The following KCNMB2 variants were observed in gnomAD, a reference collection of about 807,000 sequenced individuals.
The protein encoded by KCNMB2 is potassium calcium-activated channel subfamily M regulatory beta subunit 2, also known as calcium-activated potassium channel subunit beta-2.
A neutral mutation model predicts 24.5 loss-of-function variants in KCNMB2; 9 were observed. The ratio of observed to expected loss-of-function variants is 0.37; its 90% confidence interval spans 0.22 to 0.64. The LOEUF (loss-of-function observed/expected upper bound fraction) is 0.64. Ranked by LOEUF, KCNMB2 falls within the 30% of genes least tolerant of loss-of-function variation. The pLI is 0.63. For missense variants in KCNMB2, 226 were observed against 284.3 expected (o/e 0.79, Z 1.47); for synonymous variants, 109 against 104.4 (o/e 1.04, Z -0.27).
chr3:178,571,168 G>A (rs922716430), intron 1 of KCNMB2, among the ~76,000 whole-genome samples: 1 of 150,902 alleles, frequency 6.6e-6, no homozygotes, highest in Non-Finnish European at 1.5e-5. Context: ...CTACTTTTTA[G>A]TTGCTCTATA....
chr3:178,785,019 A>G (rs2108435453), intron 1 of KCNMB2, among the ~76,000 whole-genome samples: 1 of 152,136 alleles, frequency 6.6e-6, no homozygotes, highest in Non-Finnish European at 1.5e-5. Context: ...AGTCAGGCTA[A>G]TGCTCTTAAT....
intron 1 of KCNMB2, among the ~76,000 whole-genome samples, chr3:178,545,240 T>C (rs1040641402): frequency 3.3e-5 from 5 of 152,222 alleles, no homozygotes; most frequent in Admixed American, 3.3e-4. Flanking sequence ...ATAGGATTCT[T>C]ACTAAAGAGG....
At chr3:178,713,151 G>C (rs1180210477) in intron 1 of KCNMB2, among the ~76,000 whole-genome samples, 1 of 152,178 alleles carries the variant, frequency 6.6e-6, no homozygotes, top group African/African-American at 2.4e-5. Context: ...GCTTTGGATT[G>C]GTTACTGTAA....
At chr3:178,629,360 A>G (rs1231161327) in intron 1 of KCNMB2, among the ~76,000 whole-genome samples, 1 of 152,196 alleles carries the variant, frequency 6.6e-6, no homozygotes, top group Non-Finnish European at 1.5e-5. Flanking sequence ...TAACAGGGAA[A>G]AAGGAGGTGA....
intron 1 of KCNMB2, among the ~76,000 whole-genome samples, chr3:178,758,345 G>GATATATAT (rs1214797017): frequency 1.2e-4 from 1 of 8,678 alleles, no homozygotes; most frequent in Admixed American, 1.4e-3. Flanking sequence ...TCCAAGAGGG[G>GATATATAT]ATATATATAT....
chr3:178,697,085 T>C (rs894197240), intron 1 of KCNMB2, among the ~76,000 whole-genome samples: 7 of 152,196 alleles, frequency 4.6e-5, no homozygotes, highest in African/African-American at 1.7e-4. Flanking sequence ...TTCTGTTGTT[T>C]TGGGGTGAAG....
At chr3:178,734,296 T>C (rs756156291) in intron 1 of KCNMB2, among the ~76,000 whole-genome samples, 13 of 152,246 alleles carry the variant, frequency 8.5e-5, no homozygotes, top group Admixed American at 1.3e-4. Flanking sequence ...TGTGGCATCA[T>C]GCCTTCACTC....
At chr3:178,692,584 T>A (rs1335787684) in intron 1 of KCNMB2, among the ~76,000 whole-genome samples, 1 of 152,236 alleles carries the variant, frequency 6.6e-6, no homozygotes, top group Non-Finnish European at 1.5e-5. Flanking sequence ...GGGCTCCCTA[T>A]TCTGCTCCAT....
At chr3:178,607,382 T>C (rs573138235) in intron 1 of KCNMB2, among the ~76,000 whole-genome samples, 2 of 152,304 alleles carry the variant, frequency 1.3e-5, no homozygotes, top group African/African-American at 4.8e-5. Context: ...CAGTGGTCAT[T>C]TAAAATCCAT....
At chr3:178,571,924 G>C (rs1201122213) in intron 1 of KCNMB2, among the ~76,000 whole-genome samples, 1 of 152,080 alleles carries the variant, frequency 6.6e-6, no homozygotes, top group Non-Finnish European at 1.5e-5. Context: ...TCTTTATCCA[G>C]CTTATCACTG....
chr3:178,638,579 T>G (rs1227265195), intron 1 of KCNMB2, among the ~76,000 whole-genome samples: 1 of 152,200 alleles, frequency 6.6e-6, no homozygotes, highest in Non-Finnish European at 1.5e-5. Context: ...ACTTCTCACT[T>G]TTTATGATAA....
At chr3:178,722,009 G>A (rs998870381) in intron 1 of KCNMB2, among the ~76,000 whole-genome samples, 4 of 152,092 alleles carry the variant, frequency 2.6e-5, no homozygotes, top group African/African-American at 9.7e-5. Context: ...TCCATGGCTT[G>A]TATTTTTATT....
At chr3:178,692,999 C>CT (rs1721740528) in intron 1 of KCNMB2, among the ~76,000 whole-genome samples, 1 of 152,070 alleles carries the variant, frequency 6.6e-6, no homozygotes. Flanking sequence ...ACATTTTATT[C>CT]TTTTTGTGGC....
chr3:178,655,148 C>CTCTCTCTCTCTT (rs1720288232), intron 1 of KCNMB2, among the ~76,000 whole-genome samples: 1 of 147,202 alleles, frequency 6.8e-6, no homozygotes, highest in Admixed American at 6.8e-5. Context: ...CTCTCTATCT[C>CTCTCTCTCTCTT]TATTTCTCTG....
intron 1 of KCNMB2, among the ~76,000 whole-genome samples, chr3:178,557,456 T>C (rs950220646): frequency 6.6e-6 from 1 of 152,156 alleles, no homozygotes; most frequent in African/African-American, 2.4e-5. Flanking sequence ...GATGCTTACA[T>C]TGAGGGTGCA....
At chr3:178,543,368 T>C (rs1023848431) in intron 1 of KCNMB2, among the ~76,000 whole-genome samples, 3 of 152,224 alleles carry the variant, frequency 2.0e-5, no homozygotes, top group Non-Finnish European at 4.4e-5. Context: ...AGCTTCAACA[T>C]GTCCAGTGTC....
intron 4 of KCNMB2, among the ~76,000 whole-genome samples, chr3:178,840,633 G>A (rs1715394221): frequency 6.6e-6 from 1 of 152,212 alleles, no homozygotes; most frequent in South Asian, 2.1e-4. Context: ...ACAACACCTG[G>A]AAGCTGCCAA....
chr3:178,699,467 A>G (rs1274381570), intron 1 of KCNMB2, among the ~76,000 whole-genome samples: 1 of 152,166 alleles, frequency 6.6e-6, no homozygotes, highest in East Asian at 1.9e-4. Flanking sequence ...GGGAGGGGGC[A>G]TACAGGCTGG....
chr3:178,836,863 C>T (rs1715250542), intron 4 of KCNMB2, among the ~76,000 whole-genome samples: 1 of 152,002 alleles, frequency 6.6e-6, no homozygotes, highest in Admixed American at 6.6e-5. Context: ...TTACATTTTC[C>T]AACTAAGTGT....
Sources: gnomAD v4.1 joint callset for allele counts (sites outside exome capture counted in the v4.1 genomes callset) on GRCh38, gnomAD v4.1.1 for gene constraint, MANE v1.5 for transcripts, NCBI Gene and HGNC (gene_info 2026-07-23, HGNC 2026-07-21) for gene names.